ZNF93: variants seen among roughly 807,000 people sequenced by gnomAD.
The protein encoded by ZNF93 is zinc finger protein 505.
A neutral mutation model predicts 45.0 loss-of-function variants in ZNF93; 29 were observed. That is an observed-to-expected ratio of 0.64 (90% CI 0.48 to 0.88). The LOEUF is 0.88. Ranked by LOEUF, ZNF93 falls within the 40% of genes least tolerant of loss-of-function variation. ZNF93 has a pLI of 0.00. For missense variants in ZNF93, 578 were observed against 724.0 expected (o/e 0.80, Z 2.31); for synonymous variants, 223 against 244.6 (o/e 0.91, Z 0.82).
chr19:19,924,959 A>G (rs1011280441), intron 3 of ZNF93, among the ~76,000 whole-genome samples: 1 of 152,222 alleles, frequency 6.6e-6, no homozygotes, highest in Admixed American at 6.5e-5. Context: ...AAATTGAATC[A>G]TTGATTTGCT....
At chr19:19,920,712 A>T (rs1370945687) in intron 3 of ZNF93, among the ~76,000 whole-genome samples, 3 of 151,886 alleles carry the variant, frequency 2.0e-5, no homozygotes, top group African/African-American at 7.3e-5. Flanking sequence ...TTTCTTCTAG[A>T]TTTTCTAGTT....
rs555027618 is a variant in ZNF93, at chr19:19,909,963, AATTAATTAATC to A, written c.4-5313_4-5303del. Among the ~76,000 whole-genome samples the A allele has an allele frequency of 9.2e-5, 14 of 152,374 alleles. No individual in the cohort carries two copies. In the East Asian group the frequency reaches 1.9e-3, roughly 21 times the overall value. ...ATTTCTACAAACTTCACAGGGCAGCAATTAATTAATCATTTAACCTTTTTCAGTGACTCTTG... is the reference window on the plus strand; with the variant it reads ...ATTTCTACAAACTTCACAGGGCAGCAATTTAACCTTTTTCAGTGACTCTTG... On this transcript the variant is annotated intron_variant, in intron 1 of 3. Transcript: ENST00000343769.
Position 19,933,463 on chromosome 19 carries a change from A to G in ZNF93, c.508A>G (p.Lys170Glu), listed in dbSNP as rs1345690396. 1 of 1,604,394 alleles carries G rather than the reference A, an allele frequency of 6.2e-7. No individual in the cohort carries two copies. Among genetic ancestry groups the G allele is most frequent in the East Asian group, 2.2e-5 (1 of 44,822 alleles). Residue 170 changes from lysine to glutamate, a missense_variant, in exon 4 of 4, where the codon AAA becomes GAA. Physicochemically the swap from Lys to Glu is moderately conservative, Grantham distance 56 (BLOSUM62 1). This residue lies in a region of ZNF93 where 446 missense variants were observed against 547.6 expected (regional missense o/e 0.81). Coordinates refer to ENST00000343769, the MANE Select transcript of ZNF93 (RefSeq NM_031218.4). ...TAGACATAATATAAGACATACTGAA[A>G]AAAAACCTTTCAAATGCATAGAATG... The part of the protein sequence containing the change: ...SNRHNIRHTE[K>E]KPFKCIECGK...
rs572383982 is a variant in ZNF93, at chr19:19,914,875, A to G, written c.4-405A>G. 19 of 331,154 alleles carry G rather than the reference A, an allele frequency of 5.7e-5. No homozygotes were observed. In the East Asian group the frequency reaches 1.6e-3, roughly 27 times the overall value. The allele number at this position is 331,154 out of a possible 1,614,324, so 20.5% of individuals were successfully genotyped here. A position where few individuals can be genotyped will look rare whatever the true frequency, so the allele number is the denominator to read the frequency against. On this transcript the variant is annotated intron_variant, in intron 1 of 3. Transcript: ENST00000343769. ...AGACTTCATTCCAGATCTTCTGGGA[A>G]AAAACCCCCGCATAACAAGGTCTTC...
At chr19:19,915,676 AC>A (rs1259144038) in intron 2 of ZNF93, among the ~76,000 whole-genome samples, 1 of 152,038 alleles carries the variant, frequency 6.6e-6, no homozygotes, top group African/African-American at 2.4e-5. Context: ...CCCCATCTCT[AC>A]TAAAAATACA....
chr19:19,929,676 C>A (rs374965582), intron 3 of ZNF93, among the ~76,000 whole-genome samples: 2 of 152,176 alleles, frequency 1.3e-5, no homozygotes, highest in South Asian at 4.1e-4. Flanking sequence ...TGGTGGCTCA[C>A]GCCTGTAATC....
At chr19:19,908,446 G>A (rs1434838304) in intron 1 of ZNF93, 1 of 152,180 alleles carries the variant, frequency 6.6e-6, no homozygotes, top group Admixed American at 6.5e-5. Context: ...CACTTTGGGT[G>A]TTTAGAAATA....
rs547424584 is a variant in ZNF93 at position 19,933,457 on chromosome 19, A to C, written c.502A>C (p.Thr168Pro). Residue 168 changes from threonine (T) to proline (P), a missense_variant, in exon 4 of 4, where the codon ACT becomes CCT. Thr to Pro is a conservative substitution (Grantham distance 38). This residue lies in a region of ZNF93 where 446 missense variants were observed against 547.6 expected (regional missense o/e 0.81). Transcript: ENST00000343769. ...TTCAAATAGACATAATATAAGACAT[A>C]CTGAAAAAAAACCTTTCAAATGCAT... ...SNSNRHNIRH[T>P]EKKPFKCIEC... The C allele has an allele frequency of 6.2e-7, 1 of 1,604,246 alleles. No homozygotes were observed. The highest frequency in any genetic ancestry group is 2.2e-5 in the East Asian group (1 of 44,820).
At chr19:19,926,924 A>AT (rs1418243569) in intron 3 of ZNF93, among the ~76,000 whole-genome samples, 1 of 152,070 alleles carries the variant, frequency 6.6e-6, no homozygotes, top group African/African-American at 2.4e-5. Context: ...AGATAGTCTT[A>AT]TTTTCACCAT....
At chr19:19,929,439 A>G (rs62135328) in intron 3 of ZNF93, among the ~76,000 whole-genome samples, 20,458 of 152,196 alleles carry the variant, frequency 0.13, 1,597 homozygotes, top group Middle Eastern at 0.25. Context: ...GATGTCTACA[A>G]TCATTATGTT....
Position 19,934,117 on chromosome 19 carries a change from A to C in ZNF93, c.1162A>C (p.Lys388Gln). ...FIWSSVLTRH[K>Q]RVHTGEKPYK... ...TTGGTCCTCAGTCCTAACTAGACATAAGAGAGTTCATACTGGAGAGAAGCC... is the reference window on the plus strand; with the variant it reads ...TTGGTCCTCAGTCCTAACTAGACATCAGAGAGTTCATACTGGAGAGAAGCC... The change falls in exon 4 of 4, where the codon AAG (lysine) becomes CAG (glutamine). Residue 388 changes from lysine to glutamine, a missense_variant. Physicochemically the swap from Lys to Gln is moderately conservative, Grantham distance 53. This residue lies in a region of ZNF93 where 446 missense variants were observed against 547.6 expected (regional missense o/e 0.81). Transcript: ENST00000343769. 1 of 1,611,236 alleles carries C rather than the reference A, an allele frequency of 6.2e-7. No homozygotes were observed. The highest frequency in any genetic ancestry group is 8.5e-7 in the Non-Finnish European group (1 of 1,179,484).
intron 1 of ZNF93, 81 bp downstream of exon 1, chr19:19,901,172 G>T: frequency 6.3e-7 from 1 of 1,599,282 alleles, no homozygotes; most frequent in Non-Finnish European, 8.6e-7. Context: ...CGGGACTCAG[G>T]TATCCCCTTA....
At chr19:19,910,310 C>T (rs1046882804) in intron 1 of ZNF93, among the ~76,000 whole-genome samples, 2 of 152,140 alleles carry the variant, frequency 1.3e-5, no homozygotes, top group Non-Finnish European at 2.9e-5. Context: ...CTTTCTCCCC[C>T]CTTTGAACTA....
intron 3 of ZNF93, among the ~76,000 whole-genome samples, chr19:19,922,966 C>A (rs2063346094): frequency 6.6e-6 from 1 of 152,160 alleles, no homozygotes; most frequent in Non-Finnish European, 1.5e-5. Flanking sequence ...AGCTTTGTTC[C>A]ATTGCTGGTG....
At chr19:19,931,779 A>G (rs2063375110) in intron 3 of ZNF93, among the ~76,000 whole-genome samples, 1 of 151,614 alleles carries the variant, frequency 6.6e-6, no homozygotes, top group African/African-American at 2.4e-5. Flanking sequence ...TACTTACTTA[A>G]TTTTCATTTA....
chr19:19,900,961 C>G lies in ZNF93; in HGVS notation c.-128C>G, dbSNP rs189598629. 2 of 1,483,998 alleles carry G rather than the reference C, an allele frequency of 1.3e-6. No homozygotes were observed. The highest frequency in any genetic ancestry group is 1.9e-6 in the Non-Finnish European group (2 of 1,072,366). 91.9% of individuals were successfully genotyped at this position (1,483,998 alleles called of 1,614,324 possible). ...CGGGTCCTTTGTCTCTCGGTGCAGC[C>G]GGAGCTCCAGGTCTCCTCTTCACTA... On this transcript the variant is annotated 5_prime_UTR_variant, in exon 1 of 4. Transcript: ENST00000343769.
intron 1 of ZNF93, among the ~76,000 whole-genome samples, chr19:19,911,630 T>C (rs975169613): frequency 3.1e-4 from 47 of 152,336 alleles, no homozygotes; most frequent in Middle Eastern, 3.4e-3. Context: ...GTGTGCATCA[T>C]ATGGTTGGTA....
chr19:19,930,978 C>T (rs2063372358), intron 3 of ZNF93, among the ~76,000 whole-genome samples: 1 of 151,626 alleles, frequency 6.6e-6, no homozygotes, highest in South Asian at 2.1e-4. Flanking sequence ...TAATTATGAC[C>T]ACCTTACTCA....
chr19:19,927,367 T>G (rs1166058807), intron 3 of ZNF93: 2 of 395,282 alleles, frequency 5.1e-6, no homozygotes, highest in Non-Finnish European at 8.9e-6. Context: ...CAAAAAAAGC[T>G]GTTCATTTCA....
Sources: gnomAD v4.1 joint callset for allele counts (sites outside exome capture counted in the v4.1 genomes callset) on GRCh38, gnomAD v4.1.1 for gene constraint, gnomAD v4.1.1 regional missense constraint, MANE v1.5 for transcripts, NCBI Gene and HGNC (gene_info 2026-07-23, HGNC 2026-07-21) for gene names.